Variants in AGBL4 observed in about 807,000 individuals in gnomAD.
The protein encoded by AGBL4 is cytosolic carboxypeptidase 6.
In AGBL4, 58 loss-of-function variants were observed where a neutral mutation model predicts 66.4. The observed-to-expected ratio is 0.87, with a 90% CI of 0.71 to 1.09. AGBL4 has a LOEUF of 1.09. AGBL4 is among the 50% of genes least tolerant of loss of function. AGBL4 has a pLI of 0.00. For missense variants in AGBL4, 579 were observed against 631.0 expected, an observed-to-expected ratio of 0.92 and a Z score of 0.88; for synonymous variants, 234 against 222.9, an observed-to-expected ratio of 1.05 and a Z score of -0.44.
At chr1:49,253,505 C>T (rs964996993) in intron 3 of AGBL4, among the ~76,000 whole-genome samples, 6 of 151,820 alleles carry the variant, frequency 4.0e-5, no homozygotes, top group African/African-American at 9.7e-5. Context: ...AGACAAATAA[C>T]GAGTTCTAAA....
intron 1 of AGBL4, among the ~76,000 whole-genome samples, chr1:49,950,159 C>CACATATGTGTGTATATAT (rs1656022877): frequency 7.1e-6 from 1 of 141,354 alleles, no homozygotes; most frequent in African/African-American, 2.6e-5. Context: ...TATATATATA[C>CACATATGTGTGTATATAT]ACACATATAT....
At chr1:49,329,508 A>G (rs1051137229) in intron 3 of AGBL4, among the ~76,000 whole-genome samples, 5 of 152,044 alleles carry the variant, frequency 3.3e-5, no homozygotes, top group African/African-American at 1.2e-4. Context: ...TCTTCTGAAA[A>G]TACAAAAATT....
intron 2 of AGBL4, among the ~76,000 whole-genome samples, chr1:49,807,720 T>C (rs1271767468): frequency 6.6e-6 from 1 of 152,226 alleles, no homozygotes; most frequent in Non-Finnish European, 1.5e-5. Flanking sequence ...CACAATTCTA[T>C]GATCTAAATA....
chr1:49,754,209 A>G (rs1651701664), intron 2 of AGBL4, among the ~76,000 whole-genome samples: 2 of 150,174 alleles, frequency 1.3e-5, no homozygotes, highest in South Asian at 2.1e-4. Context: ...TTCATGATTT[A>G]TCTACCTTTG....
intron 6 of AGBL4, among the ~76,000 whole-genome samples, chr1:48,683,963 T>C (rs536778004): frequency 6.6e-6 from 1 of 152,348 alleles, no homozygotes; most frequent in African/African-American, 2.4e-5. Flanking sequence ...GGCAGTCATA[T>C]GGCATTCTAA....
chr1:48,545,492 G>A (rs906404010), intron 11 of AGBL4, among the ~76,000 whole-genome samples: 4 of 152,126 alleles, frequency 2.6e-5, no homozygotes, highest in African/African-American at 9.7e-5. Context: ...ATTCAGGCAA[G>A]GAGAGGCAAT....
At chr1:48,641,001 T>C (rs1283383280) in intron 8 of AGBL4, among the ~76,000 whole-genome samples, 1 of 152,024 alleles carries the variant, frequency 6.6e-6, no homozygotes, top group Non-Finnish European at 1.5e-5. Context: ...CGGCTCCAGA[T>C]CAATCTTGCC....
Position 48,704,422 on chromosome 1 carries a change from A to G in AGBL4, c.635-41181T>C, listed in dbSNP as rs144029242. Among the ~76,000 whole-genome samples the G allele has an allele frequency of 1.8e-3, 268 of 152,254 alleles. 6 individuals are homozygous for G. The East Asian group carries it at 0.047, about 27-fold the overall frequency. On this transcript the variant is annotated intron_variant, in intron 6 of 13. Transcript: ENST00000371839. ...AACCTCAGTTTACTATGACTTTTTTACTTTATAAACTTTTAATTTTTTTAA... is the reference window on the plus strand; with the variant it reads ...AACCTCAGTTTACTATGACTTTTTTGCTTTATAAACTTTTAATTTTTTTAA...
chr1:49,087,095 C>T (rs969477011), intron 4 of AGBL4, among the ~76,000 whole-genome samples: 1 of 150,470 alleles, frequency 6.6e-6, no homozygotes, highest in African/African-American at 2.4e-5. Context: ...ACCCAAAGAA[C>T]AGCAACTTCA....
chr1:49,653,300 C>A (rs996126793), intron 3 of AGBL4, among the ~76,000 whole-genome samples: 3 of 152,024 alleles, frequency 2.0e-5, no homozygotes, highest in Non-Finnish European at 2.9e-5. Context: ...AAACACCCCA[C>A]AAAACCACAT....
At chr1:49,360,047 C>T (rs371083188) in intron 3 of AGBL4, among the ~76,000 whole-genome samples, 4 of 152,098 alleles carry the variant, frequency 2.6e-5, no homozygotes, top group African/African-American at 4.8e-5. Context: ...CAGGACTGGC[C>T]GATATCAGTC....
intron 1 of AGBL4, among the ~76,000 whole-genome samples, chr1:49,914,374 G>C (rs1024702033): frequency 1.3e-5 from 2 of 152,162 alleles, no homozygotes; most frequent in Admixed American, 6.5e-5. Flanking sequence ...CAAAGTCTTT[G>C]CAACTTTATA....
chr1:49,635,238 G>C (rs779283849), intron 3 of AGBL4, among the ~76,000 whole-genome samples: 4 of 152,110 alleles, frequency 2.6e-5, no homozygotes, highest in Non-Finnish European at 5.9e-5. Context: ...ATACACAAAA[G>C]TTAATTCCAG....
chr1:49,911,283 T>C lies in AGBL4; in HGVS notation c.35-59765A>G, dbSNP rs184148374. 2.6e-5 allele frequency among the ~76,000 whole-genome samples: 4 copies of C among 152,230 alleles called. No individual in the cohort carries two copies. In the South Asian group the frequency reaches 8.3e-4, roughly 32 times the overall value. Reference sequence around the variant, plus strand: ...AATAAATAGAAAAATAAGAAATACATTATTTCTGTGATTGTTGAGAGGAAG... The same window carrying C: ...AATAAATAGAAAAATAAGAAATACACTATTTCTGTGATTGTTGAGAGGAAG... On this transcript the variant is annotated intron_variant, in intron 1 of 13. Coordinates refer to ENST00000371839, the MANE Select transcript of AGBL4 (RefSeq NM_032785.4).
chr1:48,644,417 GCA>G (rs1645803374), intron 8 of AGBL4, among the ~76,000 whole-genome samples: 1 of 152,168 alleles, frequency 6.6e-6, no homozygotes, highest in South Asian at 2.1e-4. Flanking sequence ...CCCTCCACCA[GCA>G]CAGTTATCTC....
intron 6 of AGBL4, among the ~76,000 whole-genome samples, chr1:48,663,462 T>C (rs762989173): frequency 1.3e-5 from 2 of 152,314 alleles, no homozygotes; most frequent in African/African-American, 4.8e-5. Context: ...CAACTGATCA[T>C]ATTATATTAA....
At position 50,023,798 on chromosome 1, in the gene AGBL4, T is replaced by C. The variant is rs1662630851; in HGVS notation, c.-2A>G. ...CGCCGACTGGCTCCCCTCCGCCATTTTTGTTGTCCCTCAGTCTCCGAGCTC... is the reference window on the plus strand; with the variant it reads ...CGCCGACTGGCTCCCCTCCGCCATTCTTGTTGTCCCTCAGTCTCCGAGCTC... On this transcript the variant is annotated 5_prime_UTR_variant, in exon 1 of 14. Coordinates refer to ENST00000371839, the MANE Select transcript of AGBL4 (RefSeq NM_032785.4). 1 of 1,549,230 alleles carries C rather than the reference T, an allele frequency of 6.5e-7. No homozygotes were observed. Among genetic ancestry groups the C allele is most frequent in the South Asian group, 1.2e-5 (1 of 83,838 alleles).
intron 3 of AGBL4, among the ~76,000 whole-genome samples, chr1:49,441,833 C>A (rs1478537077): frequency 6.6e-6 from 1 of 152,164 alleles, no homozygotes; most frequent in Non-Finnish European, 1.5e-5. Flanking sequence ...ACCACTCAGC[C>A]TCTCTCCCCA....
intron 2 of AGBL4, among the ~76,000 whole-genome samples, chr1:49,718,013 G>C (rs1165479349): frequency 6.6e-6 from 1 of 152,066 alleles, no homozygotes; most frequent in African/African-American, 2.4e-5. Context: ...GTGCTATTGG[G>C]ATGGATGAAG....
Sources: gnomAD v4.1 joint callset for allele counts (sites outside exome capture counted in the v4.1 genomes callset) on GRCh38, gnomAD v4.1.1 for gene constraint, MANE v1.5 for transcripts, NCBI Gene and HGNC (gene_info 2026-07-23, HGNC 2026-07-21) for gene names.